The following FBXL2 variants were observed in gnomAD, a reference collection of about 807,000 sequenced individuals.
The protein encoded by FBXL2 is F-box/LRR-repeat protein 2.
A neutral mutation model predicts 69.2 loss-of-function variants in FBXL2; 38 were observed. The observed-to-expected ratio is 0.55, with a 90% CI of 0.42 to 0.72. The LOEUF is 0.72. Ranked by LOEUF, FBXL2 falls within the 30% of genes least tolerant of loss-of-function variation. The probability of loss-of-function intolerance (pLI) is 0.00; values close to 1 mark genes in which losing one functional copy is unlikely to be tolerated. For synonymous variants in FBXL2, 192 were observed against 201.3 expected, an observed-to-expected ratio of 0.95 and a Z score of 0.39; for missense variants, 354 against 520.3, an observed-to-expected ratio of 0.68 and a Z score of 3.11.
Position 33,367,010 on chromosome 3 carries a change from T to A in FBXL2, c.290+2291T>A, listed in dbSNP as rs185556988. ...GTGTTTATGTACAATTTGTATTTTT[T>A]AAAAATGTTTTGTAGAATTCACTAT... On this transcript the variant is annotated intron_variant, in intron 5 of 14. Transcript: ENST00000484457. 3.8e-4 allele frequency among the ~76,000 whole-genome samples: 58 copies of A among 152,334 alleles called. No homozygotes were observed. The East Asian group carries it at 4.6e-3, about 12-fold the overall frequency.
At chr3:33,417,292 C>T in the FBXL2 span, among the ~76,000 whole-genome samples, 1 of 151,960 alleles carries the variant, frequency 6.6e-6, no homozygotes, top group African/African-American at 2.4e-5. Flanking sequence ...ATCCCTCCCC[C>T]ACCCCCCACC....
intron 13 of FBXL2, among the ~76,000 whole-genome samples, chr3:33,381,517 G>A (rs548209150): frequency 3.3e-5 from 5 of 152,212 alleles, no homozygotes; most frequent in African/African-American, 1.2e-4. Flanking sequence ...GGTGGCGCAT[G>A]CATGACTGAG....
intron 14 of FBXL2, 39 bp downstream of exon 14, chr3:33,384,240 T>C: frequency 6.3e-7 from 1 of 1,585,100 alleles, no homozygotes; most frequent in Non-Finnish European, 8.6e-7. Flanking sequence ...ACCTGACATT[T>C]CTAAGCACCA....
At chr3:33,384,642 A>T (rs1047171403) in intron 14 of FBXL2, among the ~76,000 whole-genome samples, 1 of 152,036 alleles carries the variant, frequency 6.6e-6, no homozygotes, top group Non-Finnish European at 1.5e-5. Context: ...GTCACCTTAA[A>T]CTTCTTCAAA....
the FBXL2 span, among the ~76,000 whole-genome samples, chr3:33,410,151 T>C: frequency 1.3e-5 from 2 of 152,216 alleles, no homozygotes; most frequent in African/African-American, 4.8e-5. Flanking sequence ...CTAAACTCTT[T>C]GGTCAACTCT....
At chr3:33,393,137 C>T in intron 12 of FBXL2, 2 of 698,204 alleles carry the variant, frequency 2.9e-6, no homozygotes, top group Non-Finnish European at 4.4e-6. Context: ...TCCATATTAT[C>T]ACTAGGATGC....
intron 2 of FBXL2, among the ~76,000 whole-genome samples, chr3:33,306,574 A>G (rs1452232634): frequency 6.6e-6 from 1 of 152,150 alleles, no homozygotes; most frequent in African/African-American, 2.4e-5. Context: ...CCCTCTCCAT[A>G]TCTTTCTCTT....
At chr3:33,371,527 A>C (rs1386723836) in intron 5 of FBXL2, among the ~76,000 whole-genome samples, 3 of 152,110 alleles carry the variant, frequency 2.0e-5, no homozygotes, top group Admixed American at 6.5e-5. Flanking sequence ...TGTCTACATA[A>C]CATGTTTAAT....
intron 1 of FBXL2, among the ~76,000 whole-genome samples, chr3:33,283,341 G>A (rs1021913680): frequency 3.9e-5 from 6 of 152,100 alleles, no homozygotes; most frequent in African/African-American, 1.2e-4. Context: ...TTTATATGAT[G>A]GATTACGTTT....
chr3:33,413,653 C>T, the FBXL2 span, among the ~76,000 whole-genome samples: 2 of 151,454 alleles, frequency 1.3e-5, no homozygotes, highest in South Asian at 2.1e-4. Context: ...AGGCCAGGTG[C>T]GGTGGGGCTC....
At chr3:33,328,754 T>A (rs1391111414) in intron 2 of FBXL2, among the ~76,000 whole-genome samples, 1 of 151,740 alleles carries the variant, frequency 6.6e-6, no homozygotes, top group African/African-American at 2.4e-5. Context: ...AAGAAAACAT[T>A]GGGGAAACAC....
chr3:33,404,139 G>A (rs376507163), downstream of FBXL2, among the ~76,000 whole-genome samples: 221 of 152,272 alleles, frequency 1.5e-3, no homozygotes, highest in Non-Finnish European at 2.7e-3. Context: ...GAGGCCGGGC[G>A]CGGTGGCTCA....
chr3:33,373,614 T>C lies in FBXL2; in HGVS notation c.492T>C (p.Ser164=). 1 of 1,614,216 alleles carries C rather than the reference T, an allele frequency of 6.2e-7. No homozygotes were observed. The highest frequency in any genetic ancestry group is 8.5e-7 in the Non-Finnish European group (1 of 1,180,020). Reference sequence around the variant, plus strand: ...GAAACCTGGAGTACCTGAACCTCTCTTGGTGTGATCAGATCACGAAGGATG... The same window carrying C: ...GAAACCTGGAGTACCTGAACCTCTCCTGGTGTGATCAGATCACGAAGGATG... ...GCRNLEYLNL[S]WCDQITKDGI... Residue 164 remains serine (S), a synonymous_variant, in exon 8 of 15, where the codon TCT becomes TCC. Coordinates refer to ENST00000484457, the MANE Select transcript of FBXL2 (RefSeq NM_012157.5).
chr3:33,380,803 G>A (rs1575412574), intron 13 of FBXL2, among the ~76,000 whole-genome samples: 1 of 152,128 alleles, frequency 6.6e-6, no homozygotes, highest in Non-Finnish European at 1.5e-5. Context: ...TCTGAGTCAG[G>A]AATGTGATAT....
chr3:33,331,551 T>C (rs2039167100), intron 2 of FBXL2, among the ~76,000 whole-genome samples: 1 of 152,192 alleles, frequency 6.6e-6, no homozygotes, highest in African/African-American at 2.4e-5. Flanking sequence ...TTGAGAAATC[T>C]AGTGGTATTT....
At chr3:33,381,790 T>C (rs1192252529) in intron 13 of FBXL2, among the ~76,000 whole-genome samples, 1 of 152,224 alleles carries the variant, frequency 6.6e-6, no homozygotes, top group Non-Finnish European at 1.5e-5. Flanking sequence ...GGCTTTACTC[T>C]TAATTCTAAA....
At chr3:33,411,707 T>A in the FBXL2 span, 1 of 1,592,796 alleles carries the variant, frequency 6.3e-7, no homozygotes, top group East Asian at 2.2e-5. Context: ...AAAAAGAAGT[T>A]ACATAAAAAC....
At chr3:33,396,223 C>T in intron 12 of FBXL2, 1 of 1,596,140 alleles carries the variant, frequency 6.3e-7, no homozygotes, top group Non-Finnish European at 8.6e-7. Flanking sequence ...GCCCTTGCAG[C>T]ACTGTGCTGC....
intron 2 of FBXL2, among the ~76,000 whole-genome samples, chr3:33,330,885 TCACACACACACAAACA>T (rs1355605877): frequency 6.2e-4 from 94 of 150,552 alleles, no homozygotes; most frequent in African/African-American, 1.7e-3. Context: ...CGAGACTCTG[TCACACACACACAAACA>T]CACACACACA....
Sources: allele counts gnomAD v4.1 joint callset (sites outside exome capture counted in the v4.1 genomes callset), GRCh38; gene constraint gnomAD v4.1.1; transcripts MANE v1.5; gene names NCBI Gene and HGNC (gene_info 2026-07-23, HGNC 2026-07-21).